The following ZNF469 variants were observed in gnomAD, a reference collection of about 807,000 sequenced individuals.
The protein encoded by ZNF469 is zinc finger protein 469.
In ZNF469, 1 loss-of-function variant was observed where a neutral mutation model predicts 1.0. The observed-to-expected ratio is 1.00, with a 90% confidence interval of 0.35 to 4.73. The LOEUF (loss-of-function observed/expected upper bound fraction) is 4.73. Among genes scored for constraint, ZNF469 ranks in the 30% most tolerant of loss-of-function variants. The pLI, the probability that ZNF469 is intolerant of heterozygous loss-of-function variation, is 0.16. For missense variants in ZNF469, 6,100 were observed against 5,356.3 expected, an observed-to-expected ratio of 1.14 and a Z score of -4.33; for synonymous variants, 2,703 against 2,363.4, an observed-to-expected ratio of 1.14 and a Z score of -4.17.
At chr16:88,194,463 C>T in the ZNF469 span, 1 of 152,322 alleles carries the variant, frequency 6.6e-6, no homozygotes, top group Admixed American at 6.5e-5. Flanking sequence ...GTGGTGTCGT[C>T]TGCCTGCAAG....
In ZNF469 at chr16:88,438,411, G is replaced by A. The variant is rs1906758075; in HGVS notation, c.10941G>A (p.Glu3647=). The A allele has an allele frequency of 3.2e-6, 5 of 1,549,996 alleles. No individual in the cohort carries two copies. Among genetic ancestry groups the A allele is most frequent in the African/African-American group, 2.7e-5 (2 of 73,178 alleles). Residue 3647 remains glutamate, a synonymous_variant, in exon 3 of 3, where the codon GAG becomes GAA. Coordinates refer to ENST00000565624, the MANE Select transcript of ZNF469 (RefSeq NM_001367624.2). ...HFQEDHLLQK[E]KEVSSSHMVS... ...AGGAAGACCACCTACTTCAGAAAGAGAAGGAGGTGTCCTCAAGCCACATGG... is the reference window on the plus strand; with the variant it reads ...AGGAAGACCACCTACTTCAGAAAGAAAAGGAGGTGTCCTCAAGCCACATGG...
chr16:88,263,364 G>A, the ZNF469 span, among the ~76,000 whole-genome samples: 1 of 152,218 alleles, frequency 6.6e-6, no homozygotes, highest in South Asian at 2.1e-4. Flanking sequence ...AGTACGCCGA[G>A]GTGAGTCCTC....
At chr16:88,211,663 G>A in the ZNF469 span, among the ~76,000 whole-genome samples, 2 of 152,070 alleles carry the variant, frequency 1.3e-5, no homozygotes, top group Non-Finnish European at 2.9e-5. Flanking sequence ...ACAAGGATTT[G>A]GGCAGAGTTT....
chr16:88,160,321 T>C, the ZNF469 span, among the ~76,000 whole-genome samples: 1 of 152,212 alleles, frequency 6.6e-6, no homozygotes, highest in Non-Finnish European at 1.5e-5. Context: ...AACGATTTTA[T>C]TTTTGAAGTG....
chr16:88,261,345 A>T, the ZNF469 span, among the ~76,000 whole-genome samples: 2 of 152,174 alleles, frequency 1.3e-5, no homozygotes, highest in Non-Finnish European at 2.9e-5. The surrounding 1 kb of genome is among the most constrained non-coding windows in gnomAD (Gnocchi z 6.0). Flanking sequence ...GGCTGTCCCC[A>T]TTCCATTTTG....
the ZNF469 span, among the ~76,000 whole-genome samples, chr16:88,135,694 G>C: frequency 0.034 from 4,968 of 148,054 alleles, 253 homozygotes; most frequent in African/African-American, 0.11. Context: ...TGCTGGGACC[G>C]GTGATCCACA....
the ZNF469 span, among the ~76,000 whole-genome samples, chr16:88,170,531 C>T: frequency 6.6e-6 from 1 of 152,202 alleles, no homozygotes; most frequent in Non-Finnish European, 1.5e-5. The surrounding 1 kb of genome is among the most constrained non-coding windows in gnomAD (Gnocchi z 4.2). Context: ...TGAGATCGTG[C>T]AGTGTTTGTC....
chr16:88,312,555 C>T, the ZNF469 span, among the ~76,000 whole-genome samples: 1 of 152,204 alleles, frequency 6.6e-6, no homozygotes, highest in African/African-American at 2.4e-5. Context: ...CACATATACC[C>T]ACCTCCTTTT....
intron 1 of ZNF469, among the ~76,000 whole-genome samples, chr16:88,416,527 C>G (rs1321943937): frequency 6.6e-6 from 1 of 152,190 alleles, no homozygotes; most frequent in Non-Finnish European, 1.5e-5. Context: ...AGCTCTGGGC[C>G]TAGCCGGAAG....
the ZNF469 span, among the ~76,000 whole-genome samples, chr16:88,167,098 G>GT: frequency 2.6e-5 from 3 of 116,230 alleles, 1 homozygote; most frequent in Middle Eastern, 0.027. Context: ...AATCCCATCT[G>GT]TCCTCCAGGC....
intron 1 of ZNF469, among the ~76,000 whole-genome samples, chr16:88,387,590 G>T (rs940192104): frequency 6.6e-6 from 1 of 152,204 alleles, no homozygotes; most frequent in African/African-American, 2.4e-5. Flanking sequence ...ACTCACCCCA[G>T]CCCTGCCAGG....
At chr16:88,136,176 A>G in the ZNF469 span, among the ~76,000 whole-genome samples, 3 of 152,174 alleles carry the variant, frequency 2.0e-5, no homozygotes, top group Admixed American at 1.3e-4. Flanking sequence ...GTGAAATTCA[A>G]GGCACTGCTG....
chr16:88,334,558 A>G, the ZNF469 span, among the ~76,000 whole-genome samples: 1 of 152,184 alleles, frequency 6.6e-6, no homozygotes, highest in Admixed American at 6.5e-5. Flanking sequence ...CACATCACAG[A>G]GCCGGGAGTG....
At chr16:88,322,119 G>A in the ZNF469 span, among the ~76,000 whole-genome samples, 1 of 152,250 alleles carries the variant, frequency 6.6e-6, no homozygotes, top group Non-Finnish European at 1.5e-5. Flanking sequence ...TGGAGCCACG[G>A]CAGGAGGTGC....
chr16:88,215,383 A>ATTTTTTT, the ZNF469 span, among the ~76,000 whole-genome samples: 635 of 94,152 alleles, frequency 6.7e-3, 63 homozygotes, highest in African/African-American at 0.025. Flanking sequence ...TTGCCTTTTA[A>ATTTTTTT]TTTTTTTTTT....
chr16:88,235,398 A>G, the ZNF469 span, among the ~76,000 whole-genome samples: 4 of 152,230 alleles, frequency 2.6e-5, no homozygotes, highest in African/African-American at 7.2e-5. Context: ...ACACACCTGG[A>G]GCGCGGAACT....
chr16:88,435,257 A>G lies in ZNF469; in HGVS notation c.7787A>G (p.Gln2596Arg), dbSNP rs1360151227. The change falls in exon 3 of 3, where the codon CAG (glutamine) becomes CGG (arginine). Residue 2596 changes from glutamine to arginine, a missense_variant. By Grantham distance (43) the Gln-to-Arg change is conservative. Coordinates refer to ENST00000565624, the MANE Select transcript of ZNF469 (RefSeq NM_001367624.2). ...CCGGCCTCCAAGCCCAGACCAGACCAGGCCAGGGAAGATGAGCTGCATCCC... is the reference window on the plus strand; with the variant it reads ...CCGGCCTCCAAGCCCAGACCAGACCGGGCCAGGGAAGATGAGCTGCATCCC... The part of the protein sequence containing the change: ...KTPASKPRPD[Q>R]AREDELHPKQ... The G allele has an allele frequency of 1.9e-6, 3 of 1,550,408 alleles. No individual in the cohort carries two copies. Among genetic ancestry groups the G allele is most frequent in the Non-Finnish European group, 2.6e-6 (3 of 1,146,986 alleles).
At chr16:88,187,174 C>T in the ZNF469 span, among the ~76,000 whole-genome samples, 2 of 151,944 alleles carry the variant, frequency 1.3e-5, no homozygotes, top group Non-Finnish European at 2.9e-5. Flanking sequence ...GTGGGGGGAG[C>T]CCTGAGCGGG....
At chr16:88,209,110 T>C in the ZNF469 span, among the ~76,000 whole-genome samples, 9 of 152,156 alleles carry the variant, frequency 5.9e-5, no homozygotes, top group African/African-American at 1.9e-4. Context: ...CCCCTCTTTT[T>C]TTCCTTTCAA....
Sources: gnomAD v4.1 joint callset for allele counts (sites outside exome capture counted in the v4.1 genomes callset) on GRCh38, gnomAD v4.1.1 for gene constraint, Gnocchi (gnomAD v3.1) non-coding constraint, MANE v1.5 for transcripts, NCBI Gene and HGNC (gene_info 2026-07-23, HGNC 2026-07-21) for gene names.